Variants in PCDHA1 observed in about 807,000 individuals in gnomAD.
PCDHA1 encodes the protein protocadherin alpha-1.
Under a neutral mutation model 61.3 loss-of-function variants are expected in PCDHA1, and 42 were observed. The observed-to-expected ratio is 0.69, with a 90% CI of 0.54 to 0.89. The LOEUF is 0.89. Among genes scored for constraint, PCDHA1 ranks in the 40% least tolerant of loss-of-function variants. The probability of loss-of-function intolerance (pLI) is 0.00; values close to 1 mark genes in which losing one functional copy is unlikely to be tolerated. For missense variants in PCDHA1, 1,256 were observed against 1,235.3 expected (o/e 1.02, Z -0.25); for synonymous variants, 610 against 553.8 (o/e 1.10, Z -1.43).
intron 1 of PCDHA1, among the ~76,000 whole-genome samples, chr5:140,838,431 T>C (rs2150289310): frequency 1.3e-5 from 2 of 151,754 alleles, no homozygotes; most frequent in Non-Finnish European, 2.9e-5. Context: ...GCCTAAATTA[T>C]ATATTGGGTT....
chr5:140,862,807 C>T (rs782675641), intron 1 of PCDHA1: 1 of 572,850 alleles, frequency 1.7e-6, no homozygotes, highest in East Asian at 4.7e-5. Context: ...GGAGCTGCTG[C>T]AGTTCTAGGT....
chr5:140,940,549 A>G (rs1554213474), intron 1 of PCDHA1, among the ~76,000 whole-genome samples: 1 of 152,110 alleles, frequency 6.6e-6, no homozygotes, highest in Non-Finnish European at 1.5e-5. Context: ...CCTGGGCTCA[A>G]GTGATTCTCC....
intron 1 of PCDHA1, among the ~76,000 whole-genome samples, chr5:140,846,568 G>A (rs1403872525): frequency 6.7e-6 from 1 of 148,182 alleles, no homozygotes; most frequent in Non-Finnish European, 1.5e-5. Context: ...TAGAGTCGGG[G>A]TTTCACCATG....
rs781952785 is a variant in PCDHA1, at chr5:140,786,682, C to G, written c.392C>G (p.Pro131Arg). The change falls in exon 1 of 4, where the codon CCC becomes CGC. Residue 131 changes from proline to arginine, a missense_variant. Pro to Arg is a moderately radical substitution (Grantham distance 103, BLOSUM62 -2). Coordinates refer to ENST00000504120, the MANE Select transcript of PCDHA1 (RefSeq NM_018900.4). ...VKVKDINDNP[P>R]VFRGREQIIF... Reference sequence around the variant, plus strand: ...GTGAAAGACATTAACGATAATCCACCCGTCTTCAGGGGCAGAGAACAAATA... The same window carrying G: ...GTGAAAGACATTAACGATAATCCACGCGTCTTCAGGGGCAGAGAACAAATA... 2 of 1,614,094 alleles carry G rather than the reference C, an allele frequency of 1.2e-6. No individual in the cohort carries two copies. The highest frequency in any genetic ancestry group is 1.3e-5 in the African/African-American group (1 of 74,920).
chr5:140,941,181 G>C (rs2092747130), intron 1 of PCDHA1, among the ~76,000 whole-genome samples: 1 of 114,608 alleles, frequency 8.7e-6, no homozygotes, highest in African/African-American at 3.2e-5. Flanking sequence ...TGAACATCCT[G>C]CTTCTTTTTT....
intron 1 of PCDHA1, among the ~76,000 whole-genome samples, chr5:140,890,820 G>T (rs945332484): frequency 1.3e-5 from 2 of 152,080 alleles, no homozygotes; most frequent in East Asian, 3.9e-4. Flanking sequence ...TGTTTTAAAT[G>T]TACTTACATA....
intron 1 of PCDHA1, chr5:140,842,631 C>A: frequency 1.9e-6 from 3 of 1,595,224 alleles, no homozygotes; most frequent in Non-Finnish European, 2.6e-6. Context: ...TCGCTGTGGG[C>A]CACCGCCAGC....
rs781906273 is a variant in PCDHA1, at chr5:140,869,410, A to G, written c.2394+80726A>G. The G allele has an allele frequency of 3.7e-6, 6 of 1,614,082 alleles. No individual in the cohort carries two copies. The East Asian group carries it at 1.1e-4, about 30-fold the overall frequency. ...GCTGTGCGGGCAGAGCGCGGAGTGCAGCATCCACCTGGAGGTGATCGTGGA... is the reference window on the plus strand; with the variant it reads ...GCTGTGCGGGCAGAGCGCGGAGTGCGGCATCCACCTGGAGGTGATCGTGGA... On this transcript the variant is annotated intron_variant, in intron 1 of 3. Transcript: ENST00000504120.
intron 1 of PCDHA1, chr5:140,814,827 C>A (rs2126659222): frequency 6.6e-6 from 1 of 152,166 alleles, no homozygotes; most frequent in Non-Finnish European, 1.5e-5. Context: ...CTATCTATTT[C>A]TCCATTTCTG....
Position 140,795,666 on chromosome 5 carries a change from T to C in PCDHA1, c.2394+6982T>C, listed in dbSNP as rs782748843. The C allele has an allele frequency of 1.1e-5, 18 of 1,613,934 alleles. No homozygotes were observed. In the African/African-American group the frequency reaches 1.2e-4, roughly 11 times the overall value. ...TTCAAATACTTATTAAGGTATTAGA[T>C]GTAAATGACAATGAACCAACTTTTG... is the stretch of plus-strand genomic sequence containing the variant. On this transcript the variant is annotated intron_variant, in intron 1 of 3. Coordinates refer to ENST00000504120, the MANE Select transcript of PCDHA1 (RefSeq NM_018900.4).
rs2150366825 is a variant in PCDHA1, at chr5:140,843,799, A to G, written c.2394+55115A>G. Reference sequence around the variant, plus strand: ...AAAAGTGTTTCAGATTTAGTTTTTCACCGTATTTTATAGTGAAAATTTAAA... The same window carrying G: ...AAAAGTGTTTCAGATTTAGTTTTTCGCCGTATTTTATAGTGAAAATTTAAA... On this transcript the variant is annotated intron_variant, in intron 1 of 3. Transcript: ENST00000504120. 59 of 1,346,314 alleles carry G rather than the reference A, an allele frequency of 4.4e-5. 4 individuals carry two copies. Among genetic ancestry groups the G allele is most frequent in the Middle Eastern group, 2.1e-4 (1 of 4,868 alleles). The allele number at this position is 1,346,314 out of a possible 1,614,324, so 83.4% of individuals were successfully genotyped here.
chr5:140,965,539 T>C (rs1554227755), intron 1 of PCDHA1, among the ~76,000 whole-genome samples: 1 of 152,034 alleles, frequency 6.6e-6, no homozygotes, highest in East Asian at 1.9e-4. Context: ...GGAATCCAAA[T>C]TCCAGCCTGG....
At chr5:140,811,878 T>C (rs1764980666) in intron 1 of PCDHA1, 2 of 152,210 alleles carry the variant, frequency 1.3e-5, no homozygotes, top group African/African-American at 2.4e-5. Context: ...GTGTTTAGGT[T>C]CTTTGTAGAT....
chr5:140,842,721 A>T lies in PCDHA1; in HGVS notation c.2394+54037A>T, dbSNP rs1554139308. 4 of 1,594,916 alleles carry T rather than the reference A, an allele frequency of 2.5e-6. No individual in the cohort carries two copies. In the South Asian group the frequency reaches 4.4e-5, roughly 18 times the overall value. On this transcript the variant is annotated intron_variant, in intron 1 of 3. Coordinates refer to ENST00000504120, the MANE Select transcript of PCDHA1 (RefSeq NM_018900.4). Reference sequence around the variant, plus strand: ...GAGTACACGGTGTTCGTGAAGGAGAACAACCCGCCGGGCTGCCACATCTTC... The same window carrying T: ...GAGTACACGGTGTTCGTGAAGGAGATCAACCCGCCGGGCTGCCACATCTTC...
In PCDHA1 at chr5:141,009,679, C is replaced by T; in HGVS notation, c.2595C>T (p.Asn865=). 1.2e-6 allele frequency: 2 copies of T among 1,614,116 alleles called. No individual in the cohort carries two copies. The highest frequency in any genetic ancestry group is 8.5e-7 in the Non-Finnish European group (1 of 1,180,026). The part of the protein sequence containing the change: ...SPPVGAGVNS[N]SWTFKYGPGN... ...CAGTCGGTGCGGGTGTCAACAGCAA[C>T]AGCTGGACCTTTAAATACGGACCAG... The change falls in exon 4 of 4, where the codon AAC becomes AAT. Residue 865 remains asparagine (N), a synonymous_variant. Coordinates refer to ENST00000504120, the MANE Select transcript of PCDHA1 (RefSeq NM_018900.4).
intron 1 of PCDHA1, chr5:140,823,929 C>T (rs2150130451): frequency 1.5e-5 from 24 of 1,613,840 alleles, no homozygotes; most frequent in Non-Finnish European, 1.9e-5. Context: ...TGCTGTACAC[C>T]GCGCTGCGGT....
intron 1 of PCDHA1, chr5:140,803,057 C>G (rs782603015): frequency 6.2e-7 from 1 of 1,613,884 alleles, no homozygotes; most frequent in African/African-American, 1.3e-5. Flanking sequence ...GTGCGCGCAT[C>G]CCGTTTCGCG....
intron 1 of PCDHA1, among the ~76,000 whole-genome samples, chr5:140,942,396 A>G (rs1172739397): frequency 6.6e-6 from 1 of 151,922 alleles, no homozygotes; most frequent in Admixed American, 6.6e-5. Flanking sequence ...TGGGCGACAG[A>G]TGAGACTCTG....
intron 1 of PCDHA1, among the ~76,000 whole-genome samples, chr5:140,789,681 A>G (rs1255104359): frequency 6.6e-6 from 1 of 151,994 alleles, no homozygotes; most frequent in Admixed American, 6.5e-5. Context: ...AGCACCTCCC[A>G]TTCCTCCCAT....
Sources: gnomAD v4.1 joint callset for allele counts (sites outside exome capture counted in the v4.1 genomes callset) on GRCh38, gnomAD v4.1.1 for gene constraint, MANE v1.5 for transcripts, NCBI Gene and HGNC (gene_info 2026-07-23, HGNC 2026-07-21) for gene names.